Variants in DIAPH3 observed in about 807,000 individuals in gnomAD.
DIAPH3 encodes protein diaphanous homolog 3.
DIAPH3 carries 117 observed loss-of-function variants against 144.3 expected under a neutral mutation model. The observed-to-expected ratio is 0.81, with a 90% confidence interval of 0.70 to 0.95. The LOEUF (loss-of-function observed/expected upper bound fraction) is 0.95, where lower values mean the gene tolerates loss of function less well. Ranked by LOEUF, DIAPH3 falls within the 40% of genes least tolerant of loss-of-function variation. The pLI is 0.00. For missense variants in DIAPH3, 1,421 were observed against 1,412.7 expected (o/e 1.01, Z -0.09); for synonymous variants, 519 against 488.9 (o/e 1.06, Z -0.81).
chr13:59,841,445 T>A (rs1437637245), intron 22 of DIAPH3, among the ~76,000 whole-genome samples: 1 of 151,400 alleles, frequency 6.6e-6, no homozygotes, highest in South Asian at 2.1e-4. Context: ...AAAAAAAAAA[T>A]TAGCCAGCCA....
At chr13:59,916,121 A>T (rs1367269422) in intron 19 of DIAPH3, 34 bp downstream of exon 19, 12 of 1,552,338 alleles carry the variant, frequency 7.7e-6, no homozygotes, top group Admixed American at 3.3e-5. Flanking sequence ...CTTGCAATGA[A>T]ATATTGAAAT....
At chr13:60,117,174 T>C (rs1377023636) in intron 2 of DIAPH3, among the ~76,000 whole-genome samples, 2 of 152,006 alleles carry the variant, frequency 1.3e-5, no homozygotes, top group African/African-American at 4.8e-5. Flanking sequence ...CCCCATATGC[T>C]TAGCACCTAA....
intron 23 of DIAPH3, among the ~76,000 whole-genome samples, chr13:59,834,398 C>T (rs2041935995): frequency 6.6e-6 from 1 of 151,480 alleles, no homozygotes; most frequent in Non-Finnish European, 1.5e-5. Flanking sequence ...AAATAAAAAA[C>T]AGTATTCAGG....
chr13:60,040,888 A>ACTGCAATCTCCACCTCC (rs1219559017), intron 5 of DIAPH3, among the ~76,000 whole-genome samples: 1 of 152,096 alleles, frequency 6.6e-6, no homozygotes, highest in East Asian at 1.9e-4. Flanking sequence ...ATGCCAGCTC[A>ACTGCAATCTCCACCTCC]CTGCAATCTC....
At chr13:60,132,695 T>C (rs953348246) in intron 2 of DIAPH3, among the ~76,000 whole-genome samples, 1 of 152,148 alleles carries the variant, frequency 6.6e-6, no homozygotes, top group Non-Finnish European at 1.5e-5. Flanking sequence ...AGAATGAGAG[T>C]TGATTTGAAT....
At chr13:59,971,890 T>C (rs2050405147) in intron 15 of DIAPH3, among the ~76,000 whole-genome samples, 2 of 152,190 alleles carry the variant, frequency 1.3e-5, no homozygotes. Flanking sequence ...TACTAGCCTC[T>C]TCAGTCTGAG....
intron 9 of DIAPH3, among the ~76,000 whole-genome samples, chr13:59,998,777 C>T (rs932100923): frequency 6.6e-6 from 1 of 151,972 alleles, no homozygotes; most frequent in African/African-American, 2.4e-5. Flanking sequence ...TATATATCAA[C>T]CCTATTCATG....
At chr13:59,735,153 TAAA>T (rs1376124424) in intron 27 of DIAPH3, among the ~76,000 whole-genome samples, 1 of 152,008 alleles carries the variant, frequency 6.6e-6, no homozygotes, top group Non-Finnish European at 1.5e-5. Flanking sequence ...AAAAATGAAA[TAAA>T]AACAATGCAA....
intron 4 of DIAPH3, among the ~76,000 whole-genome samples, chr13:60,053,187 T>G (rs1303285950): frequency 6.6e-6 from 1 of 151,884 alleles, no homozygotes; most frequent in Non-Finnish European, 1.5e-5. Flanking sequence ...ACAGCTCTTG[T>G]ATTTCATTTT....
intron 27 of DIAPH3, among the ~76,000 whole-genome samples, chr13:59,670,583 CTTTTT>C (rs1229739034): frequency 2.2e-5 from 3 of 134,678 alleles, no homozygotes; most frequent in African/African-American, 8.0e-5. Context: ...TGGAAGTTCA[CTTTTT>C]TTTTTTTTTT....
rs368354599 is a variant in DIAPH3, at chr13:59,846,778, T to C, written c.2738-7330A>G. 2.2e-3 allele frequency among the ~76,000 whole-genome samples: 331 copies of C among 152,100 alleles called. 1 individual carries two copies. The highest frequency in any genetic ancestry group is 7.3e-3 in the African/African-American group (301 of 41,506). ...TTAGTTCGTAACAGGCAAAGATAAA[T>C]TGAAAGAAACTGTGCTGCCGGGTGC... On this transcript the variant is annotated intron_variant, in intron 22 of 27. Transcript: ENST00000400324.
chr13:60,061,675 A>C (rs1230279444), intron 4 of DIAPH3, among the ~76,000 whole-genome samples: 1 of 152,000 alleles, frequency 6.6e-6, no homozygotes, highest in African/African-American at 2.4e-5. Flanking sequence ...AAGGAACTTA[A>C]AAGACAAAAT....
intron 1 of DIAPH3, among the ~76,000 whole-genome samples, chr13:60,155,866 A>G (rs1952004777): frequency 6.6e-6 from 1 of 152,198 alleles, no homozygotes. Context: ...TTATTTTTCT[A>G]TTGTAATTTG....
chr13:60,001,055 T>C (rs1288102894), intron 9 of DIAPH3, among the ~76,000 whole-genome samples: 2 of 152,194 alleles, frequency 1.3e-5, no homozygotes, highest in Non-Finnish European at 2.9e-5. Context: ...AGTAAAGACA[T>C]TGATGGTCTT....
chr13:59,809,028 A>C (rs2139539450), intron 25 of DIAPH3, among the ~76,000 whole-genome samples: 1 of 152,328 alleles, frequency 6.6e-6, no homozygotes, highest in Admixed American at 6.5e-5. Flanking sequence ...AACATCACTG[A>C]CATTACATTG....
intron 2 of DIAPH3, among the ~76,000 whole-genome samples, chr13:60,116,295 A>C (rs1232989773): frequency 6.6e-6 from 1 of 152,058 alleles, no homozygotes; most frequent in Admixed American, 6.6e-5. Flanking sequence ...AGCAAAAAAG[A>C]GTGGCATATA....
At chr13:59,685,495 G>C (rs991493829) in intron 27 of DIAPH3, among the ~76,000 whole-genome samples, 1 of 152,126 alleles carries the variant, frequency 6.6e-6, no homozygotes, top group Non-Finnish European at 1.5e-5. Context: ...AGCATCCACT[G>C]AATCCTCCTT....
intron 17 of DIAPH3, among the ~76,000 whole-genome samples, chr13:59,942,193 T>C (rs1269637692): frequency 6.6e-6 from 1 of 152,210 alleles, no homozygotes; most frequent in Non-Finnish European, 1.5e-5. Context: ...ACAGGCACCA[T>C]TTGGAATAAT....
intron 7 of DIAPH3, among the ~76,000 whole-genome samples, chr13:60,015,608 GA>G (rs1163807167): frequency 6.7e-6 from 1 of 149,618 alleles, no homozygotes; most frequent in Admixed American, 6.7e-5. Context: ...AAAAAGCAGA[GA>G]AAGGGTGGTG....
Sources: allele counts gnomAD v4.1 joint callset (sites outside exome capture counted in the v4.1 genomes callset), GRCh38; gene constraint gnomAD v4.1.1; transcripts MANE v1.5; gene names NCBI Gene and HGNC (gene_info 2026-07-23, HGNC 2026-07-21).